Variants in CCDC169 observed in about 807,000 individuals in gnomAD.
The protein encoded by CCDC169 is coiled-coil domain-containing protein 169.
In CCDC169, 30 loss-of-function variants were observed where a neutral mutation model predicts 36.0. The ratio of observed to expected loss-of-function variants is 0.83; its 90% CI spans 0.62 to 1.13. CCDC169 has a LOEUF of 1.13. Ranked by LOEUF, CCDC169 falls within the 50% of genes most tolerant of loss-of-function variation. The pLI is 0.00. For missense variants in CCDC169, 245 were observed against 245.9 expected (o/e 1.00, Z 0.03); for synonymous variants, 85 against 81.5 (o/e 1.04, Z -0.23).
At chr13:36,271,247 C>CA (rs200857912) in intron 4 of CCDC169, among the ~76,000 whole-genome samples, 246 of 149,196 alleles carry the variant, frequency 1.6e-3, no homozygotes, top group Non-Finnish European at 2.1e-3. Flanking sequence ...ATTAAAAAGT[C>CA]AAAAAAAAAT....
Position 36,253,842 on chromosome 13 carries a change from G to T in CCDC169, c.429C>A (p.Ile143=). 6.4e-7 allele frequency: 1 copy of T among 1,551,178 alleles called. No individual in the cohort carries two copies. The highest frequency in any genetic ancestry group is 1.2e-5 in the South Asian group (1 of 83,834). Residue 143 remains isoleucine, a synonymous_variant, in exon 6 of 8, where the codon ATC becomes ATA. Coordinates refer to ENST00000239859, the MANE Select transcript of CCDC169 (RefSeq NM_001144981.3). ...CTAGGTATGTACGGCGTTCATTGTT[G>T]ATCTTCTGGTAAGCCTGTGTGAAGA... ...LEQESKAYQK[I]NNERRTYLAE... is the part of the protein sequence containing the mutation.
intron 4 of CCDC169, among the ~76,000 whole-genome samples, chr13:36,271,099 A>C (rs1566079908): frequency 6.6e-6 from 1 of 152,192 alleles, no homozygotes; most frequent in Non-Finnish European, 1.5e-5. Flanking sequence ...AAAAGTGGGC[A>C]AAGGACATGA....
In CCDC169 at chr13:36,239,918, C is replaced by T. The variant is rs541164080; in HGVS notation, c.546-8626G>A. 5.9e-5 allele frequency among the ~76,000 whole-genome samples: 9 copies of T among 152,250 alleles called. No individual in the cohort carries two copies. In the South Asian group the frequency reaches 1.9e-3, roughly 32 times the overall value. ...TATTTTGAGAGAGAGAGAGACACCACATTCATATAACTTTTATTACAGTAT... is the reference window on the plus strand; with the variant it reads ...TATTTTGAGAGAGAGAGAGACACCATATTCATATAACTTTTATTACAGTAT... On this transcript the variant is annotated intron_variant, in intron 7 of 7. Transcript: ENST00000239859.
chr13:36,233,311 GACA>G (rs1418873433), intron 7 of CCDC169, among the ~76,000 whole-genome samples: 6 of 152,028 alleles, frequency 3.9e-5, no homozygotes, highest in Non-Finnish European at 5.9e-5. Context: ...CAAAAACAGT[GACA>G]ACAACAAACC....
At chr13:36,273,329 A>G (rs1034231212) in intron 4 of CCDC169, among the ~76,000 whole-genome samples, 6 of 152,124 alleles carry the variant, frequency 3.9e-5, no homozygotes, top group Non-Finnish European at 8.8e-5. Flanking sequence ...CAGTTTTCCA[A>G]TTTTACATTT....
chr13:36,232,483 C>G lies in CCDC169; in HGVS notation c.546-1191G>C, dbSNP rs1870541572. The stretch of plus-strand genomic sequence containing the variant: ...CAATTGAGGCAAAAAATAGGCTAAC[C>G]AGGAAGCTTAAAAGGAAAAGCTGAG... On this transcript the variant is annotated intron_variant, in intron 7 of 7. Coordinates refer to ENST00000239859, the MANE Select transcript of CCDC169 (RefSeq NM_001144981.3). Among the ~76,000 whole-genome samples, 7 of 152,008 alleles carry G rather than the reference C, an allele frequency of 4.6e-5. No homozygotes were observed. In the South Asian group the frequency reaches 1.5e-3, roughly 31 times the overall value.
chr13:36,275,291 T>C (rs1876644970), intron 4 of CCDC169, among the ~76,000 whole-genome samples: 1 of 152,058 alleles, frequency 6.6e-6, no homozygotes, highest in African/African-American at 2.4e-5. Flanking sequence ...GCACAGCTCC[T>C]ATATATATAG....
At chr13:36,296,939 G>C (rs923700011) in intron 1 of CCDC169, among the ~76,000 whole-genome samples, 1 of 152,212 alleles carries the variant, frequency 6.6e-6, no homozygotes, top group Non-Finnish European at 1.5e-5. Flanking sequence ...CTGTCCTCAA[G>C]TACTTGCTCT....
At chr13:36,265,567 A>G (rs767114909) in intron 4 of CCDC169, among the ~76,000 whole-genome samples, 5 of 152,240 alleles carry the variant, frequency 3.3e-5, no homozygotes, top group Non-Finnish European at 7.3e-5. Flanking sequence ...GGCAAATTAA[A>G]GAGAGCTATG....
At chr13:36,297,573 ACT>A in intron 1 of CCDC169, 62 bp downstream of exon 1, 1 of 1,478,468 alleles carries the variant, frequency 6.8e-7, no homozygotes, top group Non-Finnish European at 9.2e-7. Context: ...CAGCCCTGAG[ACT>A]CTGCAGGTGA....
intron 2 of CCDC169, among the ~76,000 whole-genome samples, chr13:36,284,248 G>A (rs1877904874): frequency 1.3e-5 from 2 of 151,108 alleles, no homozygotes; most frequent in Admixed American, 6.6e-5. Flanking sequence ...TTTTTCCTTT[G>A]AAAGCAATTC....
At chr13:36,285,618 G>GACAGATAGATAC (rs1555254471) in intron 2 of CCDC169, among the ~76,000 whole-genome samples, 1 of 133,502 alleles carries the variant, frequency 7.5e-6, no homozygotes, top group Non-Finnish European at 1.6e-5. Context: ...TAGATAGATA[G>GACAGATAGATAC]ATACATAGAT....
chr13:36,249,072 A>C (rs1276828468), intron 6 of CCDC169, among the ~76,000 whole-genome samples: 1 of 152,246 alleles, frequency 6.6e-6, no homozygotes, highest in Non-Finnish European at 1.5e-5. Context: ...AGACAAGATA[A>C]TATTTTCATT....
intron 6 of CCDC169, among the ~76,000 whole-genome samples, chr13:36,251,976 G>T (rs1461367073): frequency 6.6e-6 from 1 of 152,224 alleles, no homozygotes; most frequent in African/African-American, 2.4e-5. Context: ...GCAAGATACT[G>T]ATATTTCCTT....
At chr13:36,282,465 T>A in intron 4 of CCDC169, 1 of 985,388 alleles carries the variant, frequency 1.0e-6, no homozygotes, top group Non-Finnish European at 1.2e-6. Context: ...AGATTTCTAA[T>A]CTCTGCTGCT....
At chr13:36,258,078 A>G (rs574059609) in intron 4 of CCDC169, among the ~76,000 whole-genome samples, 48 of 125,626 alleles carry the variant, frequency 3.8e-4, no homozygotes, top group African/African-American at 1.2e-3. Flanking sequence ...AAGCCTCTGC[A>G]GAATTTGACC....
At chr13:36,230,525 T>A, downstream of CCDC169, among the ~76,000 whole-genome samples, 1 of 152,190 alleles carries the variant, frequency 6.6e-6, no homozygotes, top group African/African-American at 2.4e-5. Context: ...AAATCACCAG[T>A]GTTAAGTAAG....
At position 36,297,765 on chromosome 13, in the gene CCDC169, G is replaced by A. The variant is rs1879719322; in HGVS notation, c.-46C>T. 2.0e-6 allele frequency: 3 copies of A among 1,526,724 alleles called. No individual in the cohort carries two copies. Among genetic ancestry groups the A allele is most frequent in the Non-Finnish European group, 2.7e-6 (3 of 1,127,764 alleles). The allele number at this position is 1,526,724 out of a possible 1,614,324, so 94.6% of individuals were successfully genotyped here. On this transcript the variant is annotated 5_prime_UTR_variant, in exon 1 of 8. Coordinates refer to ENST00000239859, the MANE Select transcript of CCDC169 (RefSeq NM_001144981.3). The stretch of plus-strand genomic sequence containing the variant: ...CCGCGTCTTTCCCCTCAGCACCTTA[G>A]AGCACAAGACATTAAGGGCCACCCA...
intron 6 of CCDC169, among the ~76,000 whole-genome samples, chr13:36,252,162 G>A (rs1180064858): frequency 6.6e-6 from 1 of 152,194 alleles, no homozygotes; most frequent in Non-Finnish European, 1.5e-5. Context: ...TGGCATGTAT[G>A]AGAAGGAGCA....
Sources: allele counts gnomAD v4.1 joint callset (sites outside exome capture counted in the v4.1 genomes callset), GRCh38; gene constraint gnomAD v4.1.1; transcripts MANE v1.5; gene names NCBI Gene and HGNC (gene_info 2026-07-23, HGNC 2026-07-21).